RUFY1: variants seen among roughly 807,000 people sequenced by gnomAD.
RUFY1 encodes the protein RUN and FYVE domain-containing protein 1.
In RUFY1, 54 loss-of-function variants were observed where a neutral mutation model predicts 94.6. The ratio of observed to expected loss-of-function variants is 0.57; its 90% CI spans 0.46 to 0.72. RUFY1 has a LOEUF of 0.72. Among genes scored for constraint, RUFY1 ranks in the 30% least tolerant of loss-of-function variants. The probability of loss-of-function intolerance (pLI) is 0.00; values close to 1 mark genes in which losing one functional copy is unlikely to be tolerated. For missense variants in RUFY1, 883 were observed against 883.9 expected (o/e 1.00, Z 0.01); for synonymous variants, 396 against 347.3 (o/e 1.14, Z -1.56).
rs542652161 is a variant in RUFY1 at position 179,551,537 on chromosome 5, G to T, written c.310+658G>T. 5.3e-5 allele frequency among the ~76,000 whole-genome samples: 8 copies of T among 152,006 alleles called. No individual in the cohort carries two copies. In the East Asian group the frequency reaches 9.8e-4, roughly 19 times the overall value. On this transcript the variant is annotated intron_variant, in intron 1 of 17. Coordinates refer to ENST00000319449, the MANE Select transcript of RUFY1 (RefSeq NM_025158.5). ...GACCGGGTCTTGCTCTGTCGCCCAG[G>T]CTGGAGTGCAGTGGTGCGATCTCGG...
At chr5:179,598,948 C>A in intron 14 of RUFY1, 127 bp downstream of exon 14, 1 of 981,022 alleles carries the variant, frequency 1.0e-6, no homozygotes, top group Non-Finnish European at 1.5e-6. Flanking sequence ...TGTGGGGAGG[C>A]TGTTAGGGAG....
intron 17 of RUFY1, among the ~76,000 whole-genome samples, chr5:179,609,113 C>T (rs1468962188): frequency 1.5e-5 from 2 of 137,790 alleles, no homozygotes; most frequent in Non-Finnish European, 3.1e-5. Flanking sequence ...CAGCTACTGC[C>T]GGAGAATGGC....
chr5:179,560,362 A>G (rs903357970), intron 2 of RUFY1, among the ~76,000 whole-genome samples, 164 bp downstream of exon 2: 1 of 152,218 alleles, frequency 6.6e-6, no homozygotes, highest in Admixed American at 6.5e-5. Context: ...AGCGCTGGCC[A>G]ATAGAAATAG....
intron 13 of RUFY1, among the ~76,000 whole-genome samples, chr5:179,597,243 GT>G (rs1554123619): frequency 9.7e-4 from 142 of 145,776 alleles, no homozygotes; most frequent in African/African-American, 3.5e-3. Context: ...GTTTTGTTTT[GT>G]TTTTTTTTTG....
chr5:179,581,371 G>T (rs1024806691), intron 7 of RUFY1, among the ~76,000 whole-genome samples: 8 of 151,590 alleles, frequency 5.3e-5, no homozygotes, highest in African/African-American at 1.9e-4. Context: ...CAGGAAAAAA[G>T]AGTTGAAAAC....
intron 7 of RUFY1, among the ~76,000 whole-genome samples, chr5:179,582,775 G>A (rs551182221): frequency 1.4e-4 from 21 of 152,154 alleles, no homozygotes; most frequent in Admixed American, 2.0e-4. Flanking sequence ...CCCGGGAGAC[G>A]GAGGTTGCAG....
chr5:179,558,957 A>G (rs976722537), intron 1 of RUFY1, among the ~76,000 whole-genome samples: 12 of 152,262 alleles, frequency 7.9e-5, no homozygotes, highest in African/African-American at 2.9e-4. Flanking sequence ...ACGAAAGTCA[A>G]TTGAGCAAGC....
At chr5:179,568,176 C>G (rs1293049893) in intron 4 of RUFY1, among the ~76,000 whole-genome samples, 1 of 152,074 alleles carries the variant, frequency 6.6e-6, no homozygotes, top group East Asian at 1.9e-4. Context: ...CCCAGGAAAG[C>G]AGAGGTTGCA....
At chr5:179,556,419 C>T (rs1762116929) in intron 1 of RUFY1, among the ~76,000 whole-genome samples, 1 of 151,730 alleles carries the variant, frequency 6.6e-6, no homozygotes, top group Non-Finnish European at 1.5e-5. Flanking sequence ...AGTGAATTAT[C>T]ATTAAGTTTA....
intron 5 of RUFY1, chr5:179,572,200 CA>C: frequency 3.2e-6 from 1 of 309,896 alleles, no homozygotes. Flanking sequence ...CCCCTGACTT[CA>C]AGGCCATTGC....
Position 179,564,871 on chromosome 5 carries a change from A to G in RUFY1, c.602+2207A>G, listed in dbSNP as rs538378410. On this transcript the variant is annotated intron_variant, in intron 3 of 17. Transcript: ENST00000319449. ...TAAATTATGGTGCTGTCCAATAATG[A>G]CACACTAAAGCTATAAAAAAAGTAA... Among the ~76,000 whole-genome samples the G allele has an allele frequency of 1.9e-4, 29 of 152,316 alleles. No individual in the cohort carries two copies. In the South Asian group the frequency reaches 5.8e-3, roughly 31 times the overall value.
At chr5:179,580,241 G>GTGTGTGTATGTGTATATATA (rs149099074) in intron 6 of RUFY1, among the ~76,000 whole-genome samples, 1 of 93,852 alleles carries the variant, frequency 1.1e-5, no homozygotes, top group Admixed American at 1.1e-4. Context: ...GTGTGTGTGT[G>GTGTGTGTATGTGTATATATA]TATATTTTTT....
intron 1 of RUFY1, among the ~76,000 whole-genome samples, chr5:179,555,370 G>A (rs1377537374): frequency 3.3e-5 from 5 of 152,274 alleles, no homozygotes; most frequent in African/African-American, 1.2e-4. Flanking sequence ...GCTTAGAGAT[G>A]TGAATAGTTT....
chr5:179,591,872 T>C, intron 10 of RUFY1, 131 bp downstream of exon 10: 1 of 551,672 alleles, frequency 1.8e-6, no homozygotes, highest in Non-Finnish European at 3.2e-6. Flanking sequence ...AAAAAAATTT[T>C]TTTTAAGTCT....
chr5:179,600,987 C>T (rs1011694273), intron 14 of RUFY1, among the ~76,000 whole-genome samples: 4 of 152,164 alleles, frequency 2.6e-5, no homozygotes, highest in South Asian at 2.1e-4. Context: ...TGAGCCACTG[C>T]GCCCAGCTGA....
At chr5:179,576,749 TTTA>T (rs746049614) in intron 5 of RUFY1, among the ~76,000 whole-genome samples, 6 of 152,138 alleles carry the variant, frequency 3.9e-5, no homozygotes, top group Non-Finnish European at 7.4e-5. Flanking sequence ...TCCAGAACTT[TTTA>T]TTATTATTAT....
intron 3 of RUFY1, among the ~76,000 whole-genome samples, chr5:179,566,532 C>T (rs1205023724): frequency 6.7e-6 from 1 of 149,490 alleles, no homozygotes; most frequent in Admixed American, 6.7e-5. Flanking sequence ...CTTGAACCTG[C>T]GAGGTGGAGG....
At position 179,595,011 on chromosome 5, in the gene RUFY1, C is replaced by T. The variant is rs1299983071; in HGVS notation, c.1511+48C>T. 3 of 1,345,904 alleles carry T rather than the reference C, an allele frequency of 2.2e-6. No homozygotes were observed. The South Asian group carries it at 3.6e-5, about 16-fold the overall frequency. The allele number at this position is 1,345,904 out of a possible 1,614,324, so 83.4% of individuals were successfully genotyped here. ...TATTCTCGGGAAGGCTCTGAGCATT[C>T]CCTGGGCCTGGAGACTTATTCAGAG... On this transcript the variant is annotated intron_variant, in intron 12 of 17. Coordinates refer to ENST00000319449, the MANE Select transcript of RUFY1 (RefSeq NM_025158.5).
intron 6 of RUFY1, among the ~76,000 whole-genome samples, chr5:179,577,392 C>CA (rs1464672866): frequency 6.6e-6 from 1 of 151,352 alleles, no homozygotes; most frequent in East Asian, 1.9e-4. Flanking sequence ...TGATCTCGAA[C>CA]TCCTGACCGT....
Sources: gnomAD v4.1 joint callset for allele counts (sites outside exome capture counted in the v4.1 genomes callset) on GRCh38, gnomAD v4.1.1 for gene constraint, MANE v1.5 for transcripts, NCBI Gene and HGNC (gene_info 2026-07-23, HGNC 2026-07-21) for gene names.